Variants in C2CD3 observed in about 807,000 individuals in gnomAD.
The protein encoded by C2CD3 is C2 domain-containing protein 3.
In C2CD3, 148 loss-of-function variants were observed where a neutral mutation model predicts 234.0. The observed-to-expected ratio is 0.63, with a 90% CI of 0.55 to 0.72. The LOEUF (loss-of-function observed/expected upper bound fraction) is 0.72, where lower values mean the gene tolerates loss of function less well. C2CD3 is among the 30% of genes least tolerant of loss of function. The pLI is 0.00. For synonymous variants in C2CD3, 1,000 were observed against 1,035.4 expected (o/e 0.97, Z 0.66); for missense variants, 2,577 against 2,811.5 (o/e 0.92, Z 1.89).
intron 12 of C2CD3, among the ~76,000 whole-genome samples, chr11:74,108,325 T>C (rs1369107904): frequency 6.6e-5 from 10 of 152,122 alleles, no homozygotes; most frequent in Admixed American, 5.9e-4. Flanking sequence ...ATTGTATATG[T>C]CTTCTGAAAA....
chr11:74,165,783 T>C (rs577524444), intron 2 of C2CD3, among the ~76,000 whole-genome samples: 2 of 152,220 alleles, frequency 1.3e-5, no homozygotes, highest in East Asian at 1.9e-4. Flanking sequence ...GCCTCCCAAG[T>C]AGCTGGGACT....
chr11:74,090,697 G>C, intron 20 of C2CD3, 116 bp downstream of exon 20: 3 of 1,064,466 alleles, frequency 2.8e-6, no homozygotes, highest in Non-Finnish European at 4.2e-6. Context: ...AGAAAAAGAG[G>C]AGTTGTGGTT....
chr11:74,123,729 G>A (rs113532562), intron 7 of C2CD3, among the ~76,000 whole-genome samples: 2 of 146,018 alleles, frequency 1.4e-5, no homozygotes, highest in Non-Finnish European at 1.5e-5. Context: ...GAAATCCCAC[G>A]CTGGTATCTT....
intron 5 of C2CD3, 47 bp downstream of exon 5, chr11:74,138,673 C>T: frequency 6.7e-7 from 1 of 1,492,918 alleles, no homozygotes; most frequent in Non-Finnish European, 9.3e-7. Context: ...GCAGAGCAAT[C>T]CCATAAACGT....
At chr11:74,102,620 C>T (rs17132715) in intron 14 of C2CD3, among the ~76,000 whole-genome samples, 29,193 of 152,088 alleles carry the variant, frequency 0.19, 2,963 homozygotes, top group East Asian at 0.3. Context: ...CCTAGTTTTC[C>T]TTCTGGCCCA....
At chr11:74,168,264 CACA>C (rs1856932433) in intron 2 of C2CD3, 77 bp downstream of exon 2, 1 of 1,177,470 alleles carries the variant, frequency 8.5e-7, no homozygotes, top group African/African-American at 1.5e-5. Flanking sequence ...ATGCTAGGTA[CACA>C]ACAACACTTA....
At chr11:74,054,507 G>GAAAAAAAAAAAA in intron 26 of C2CD3, 100 bp downstream of exon 26, 2 of 274,312 alleles carry the variant, frequency 7.3e-6, no homozygotes, top group East Asian at 5.9e-5. Flanking sequence ...ACTTGGTTTG[G>GAAAAAAAAAAAA]AAAAAAAAAA....
At chr11:74,068,406 A>C (rs1210480158) in intron 24 of C2CD3, among the ~76,000 whole-genome samples, 1 of 152,220 alleles carries the variant, frequency 6.6e-6, no homozygotes, top group Admixed American at 6.5e-5. Context: ...TTGAATGCAC[A>C]GAGTATTCCC....
intron 2 of C2CD3, among the ~76,000 whole-genome samples, 167 bp from the exon 3 acceptor site, chr11:74,161,723 A>G (rs139842533): frequency 7.9e-4 from 121 of 152,308 alleles, no homozygotes; most frequent in African/African-American, 2.8e-3. Flanking sequence ...AGGTACTTTA[A>G]TAAGTTGCTA....
In C2CD3 at chr11:74,093,978, C is replaced by G. The variant is rs747425739; in HGVS notation, c.3182G>C (p.Arg1061Thr). The G allele has an allele frequency of 3.1e-6, 5 of 1,613,634 alleles. No homozygotes were observed. Among genetic ancestry groups the G allele is most frequent in the Non-Finnish European group, 2.5e-6 (3 of 1,179,744 alleles). The change falls in exon 18 of 33, where the codon AGA becomes ACA. Residue 1061 changes from arginine (R) to threonine (T), a missense_variant. Arg to Thr is a moderately conservative substitution (Grantham distance 71). Coordinates refer to ENST00000334126, the MANE Select transcript of C2CD3 (RefSeq NM_001286577.2). ...LENGITLKPF[R>T]TATTLCVPDP... The stretch of plus-strand genomic sequence containing the variant: ...TGGAACACAGAGTGTGGTTGCAGTT[C>G]TGAAGGGCTTCAGAGTAATTCCTTT...
chr11:74,037,356 G>A (rs999640002), intron 30 of C2CD3, 122 bp downstream of exon 30: 11 of 754,834 alleles, frequency 1.5e-5, no homozygotes, highest in African/African-American at 5.3e-5. Context: ...AAAAAAGGAA[G>A]AGGGTGAAAA....
intron 8 of C2CD3, among the ~76,000 whole-genome samples, chr11:74,122,136 C>T (rs528711728): frequency 6.6e-4 from 100 of 152,348 alleles, no homozygotes; most frequent in African/African-American, 2.3e-3. Context: ...CACAAATTCT[C>T]ATCTAGTCAA....
intron 29 of C2CD3, among the ~76,000 whole-genome samples, chr11:74,040,538 C>G (rs150084686): frequency 6.6e-6 from 1 of 151,664 alleles, no homozygotes; most frequent in East Asian, 1.9e-4. Context: ...TTTGGGGTCA[C>G]GAGGTCAGGA....
chr11:74,159,584 A>C (rs766775250), intron 3 of C2CD3, among the ~76,000 whole-genome samples: 23 of 152,218 alleles, frequency 1.5e-4, no homozygotes, highest in Non-Finnish European at 5.9e-5. Context: ...CTTATAGAAT[A>C]GGGATATAAA....
intron 3 of C2CD3, among the ~76,000 whole-genome samples, chr11:74,156,000 G>A (rs1276587949): frequency 1.3e-5 from 2 of 152,004 alleles, no homozygotes; most frequent in Non-Finnish European, 2.9e-5. Flanking sequence ...AACTGGCCAG[G>A]TGCAGTGGGT....
rs772506714 is a variant in C2CD3 at position 74,093,895 on chromosome 11, C to T, written c.3265G>A (p.Val1089Met). Residue 1089 changes from valine to methionine, a missense_variant, in exon 18 of 33, where the codon GTG (valine) becomes ATG (methionine). By Grantham distance (21) the Val-to-Met change is conservative. Coordinates refer to ENST00000334126, the MANE Select transcript of C2CD3 (RefSeq NM_001286577.2). ...AAAGCACTTAGTAGGAGCCTTTGCA[C>T]TGGAACCTCAGCTGGCAACAGGAGA... ...HSLLLPAEVP[V>M]QRLLLSAFSA... The T allele has an allele frequency of 6.2e-7, 1 of 1,614,032 alleles. No homozygotes were observed. The highest frequency in any genetic ancestry group is 1.1e-5 in the South Asian group (1 of 91,090).
rs771541132 is a variant in C2CD3 at position 74,095,355 on chromosome 11, C to T, written c.3033G>A (p.Glu1011=). ...GAAGAGGGGCTAGCCCTTTAACCAT[C>T]TCTATATGGATCTCAAAGCAGTGCT... ...LMEHCFEIHI[E]MVKGLAPLQA... The change falls in exon 17 of 33, where the codon GAG becomes GAA. Residue 1011 remains glutamate, a synonymous_variant. Transcript: ENST00000334126. 3.1e-6 allele frequency: 5 copies of T among 1,613,864 alleles called. No individual in the cohort carries two copies. Among genetic ancestry groups the T allele is most frequent in the East Asian group, 2.2e-5 (1 of 44,858 alleles).
chr11:74,046,199 AG>A, intron 28 of C2CD3, among the ~76,000 whole-genome samples: 2 of 152,310 alleles, frequency 1.3e-5, no homozygotes, highest in South Asian at 2.1e-4. Flanking sequence ...CATCTCCAAA[AG>A]TTTCTTCTTG....
intron 24 of C2CD3, among the ~76,000 whole-genome samples, chr11:74,061,934 C>A (rs559336542): frequency 6.6e-6 from 1 of 151,720 alleles, no homozygotes; most frequent in South Asian, 2.1e-4. Context: ...GAAGATCTAC[C>A]AAGCAAATGG....
Sources: gnomAD v4.1 joint callset for allele counts (sites outside exome capture counted in the v4.1 genomes callset) on GRCh38, gnomAD v4.1.1 for gene constraint, MANE v1.5 for transcripts, NCBI Gene and HGNC (gene_info 2026-07-23, HGNC 2026-07-21) for gene names.